TMOD1: variants seen among roughly 807,000 people sequenced by gnomAD.
The protein encoded by TMOD1 is tropomodulin-1.
A neutral mutation model predicts 40.6 loss-of-function variants in TMOD1; 17 were observed. That is an observed-to-expected ratio of 0.42 (90% CI 0.29 to 0.63). The LOEUF (loss-of-function observed/expected upper bound fraction) is 0.63, where lower values mean the gene tolerates loss of function less well. Among genes scored for constraint, TMOD1 ranks in the 20% least tolerant of loss-of-function variants. The pLI is 0.22. For synonymous variants in TMOD1, 181 were observed against 175.0 expected, an observed-to-expected ratio of 1.03 and a Z score of -0.27; for missense variants, 391 against 447.6, an observed-to-expected ratio of 0.87 and a Z score of 1.14.
chr9:97,590,437 G>C (rs1437215526), intron 8 of TMOD1, among the ~76,000 whole-genome samples: 1 of 151,784 alleles, frequency 6.6e-6, no homozygotes, highest in Non-Finnish European at 1.5e-5. Flanking sequence ...TGTTGCCCAG[G>C]GTGGTCTCGA....
intron 4 of TMOD1, among the ~76,000 whole-genome samples, chr9:97,559,794 A>AAAATAT (rs1390791825): frequency 0.012 from 264 of 22,940 alleles, 4 homozygotes; most frequent in Admixed American, 0.017. Context: ...AAAAAAAAAA[A>AAAATAT]ATATATATAT....
rs927314510 is a variant in TMOD1, at chr9:97,546,229, C to T, written c.165C>T (p.Thr55=). 2 of 1,613,850 alleles carry T rather than the reference C, an allele frequency of 1.2e-6. No individual in the cohort carries two copies. Among genetic ancestry groups the T allele is most frequent in the African/African-American group, 1.3e-5 (1 of 74,890 alleles). Residue 55 remains threonine (T), a synonymous_variant, in exon 3 of 10, where the codon ACC becomes ACT. Coordinates refer to ENST00000259365, the MANE Select transcript of TMOD1 (RefSeq NM_003275.4). ...PAGLRQKDQT[T]KAPTGPFKRE... The stretch of plus-strand genomic sequence containing the variant: ...GCCTGAGGCAGAAGGATCAGACCAC[C>T]AAGGCGCCCACGGGCCCCTTTAAAA...
At chr9:97,506,945 G>A (rs1222510512) in intron 1 of TMOD1, among the ~76,000 whole-genome samples, 2 of 152,174 alleles carry the variant, frequency 1.3e-5, no homozygotes, top group East Asian at 1.9e-4. Context: ...CTAATAAGTT[G>A]ATTAGAAAAT....
At chr9:97,584,508 C>T (rs1825825646) in intron 8 of TMOD1, among the ~76,000 whole-genome samples, 1 of 151,974 alleles carries the variant, frequency 6.6e-6, no homozygotes, top group Non-Finnish European at 1.5e-5. Context: ...CTGTAGATGT[C>T]TATTAGGTCC....
At chr9:97,526,487 A>G (rs994824360) in intron 2 of TMOD1, among the ~76,000 whole-genome samples, 2 of 152,218 alleles carry the variant, frequency 1.3e-5, no homozygotes, top group African/African-American at 4.8e-5. Flanking sequence ...AATAACCAGC[A>G]CAGAGAAGGT....
At chr9:97,510,299 C>T (rs946304512) in intron 1 of TMOD1, among the ~76,000 whole-genome samples, 4 of 151,914 alleles carry the variant, frequency 2.6e-5, no homozygotes, top group African/African-American at 9.7e-5. Flanking sequence ...GACACAGTCT[C>T]GGCTCACTGC....
rs142020691 is a variant in TMOD1, at chr9:97,594,877, C to T, written c.1015+3442C>T. ...GCATGGCACTTCAGGTCCTCTAAATCTGCCACTGCAGCTCTCTCCACTTAG... is the reference window on the plus strand; with the variant it reads ...GCATGGCACTTCAGGTCCTCTAAATTTGCCACTGCAGCTCTCTCCACTTAG... On this transcript the variant is annotated intron_variant, in intron 9 of 9. Transcript: ENST00000259365. 6.8e-4 allele frequency among the ~76,000 whole-genome samples: 104 copies of T among 152,232 alleles called. 2 individuals are homozygous for T. The highest frequency in any genetic ancestry group is 2.0e-3 in the Admixed American group (30 of 15,302).
chr9:97,532,614 T>G (rs1830120675), intron 2 of TMOD1, among the ~76,000 whole-genome samples: 1 of 151,918 alleles, frequency 6.6e-6, no homozygotes, highest in Non-Finnish European at 1.5e-5. Flanking sequence ...GTTCTGATCA[T>G]TCTTAAAAAA....
chr9:97,563,900 T>C, intron 5 of TMOD1, 138 bp from the exon 6 acceptor site: 2 of 553,320 alleles, frequency 3.6e-6, no homozygotes. Context: ...TGGTGCCCCC[T>C]ACCCCCACCC....
chr9:97,594,908 T>C (rs1826075222), intron 9 of TMOD1, among the ~76,000 whole-genome samples: 1 of 152,096 alleles, frequency 6.6e-6, no homozygotes, highest in African/African-American at 2.4e-5. Flanking sequence ...CTTAGCAAAA[T>C]CTGAATTGCA....
intron 2 of TMOD1, among the ~76,000 whole-genome samples, chr9:97,541,167 T>C (rs1563984892): frequency 1.3e-5 from 2 of 152,206 alleles, no homozygotes; most frequent in African/African-American, 2.4e-5. Flanking sequence ...TCCAGATCAC[T>C]TGCCCATTTT....
chr9:97,565,894 A>C lies in TMOD1; in HGVS notation c.665A>C (p.Glu222Ala). The C allele has an allele frequency of 6.2e-7, 1 of 1,614,200 alleles. No individual in the cohort carries two copies. The highest frequency in any genetic ancestry group is 8.5e-7 in the Non-Finnish European group (1 of 1,180,032). The change falls in exon 7 of 10, where the codon GAA becomes GCA. Residue 222 changes from glutamate (E) to alanine (A), a missense_variant. Coordinates refer to ENST00000259365, the MANE Select transcript of TMOD1 (RefSeq NM_003275.4). ...TLKAYAEALK[E>A]NSYVKKFSIV... Reference sequence around the variant, plus strand: ...AAGGCATATGCAGAAGCCCTGAAAGAAAACTCATATGTGAAGAAGTTCAGC... The same window carrying C: ...AAGGCATATGCAGAAGCCCTGAAAGCAAACTCATATGTGAAGAAGTTCAGC...
chr9:97,564,100 G>C lies in TMOD1; in HGVS notation c.550G>C (p.Glu184Gln), dbSNP rs752482797. 3 of 1,614,180 alleles carry C rather than the reference G, an allele frequency of 1.9e-6. No homozygotes were observed. Among genetic ancestry groups the C allele is most frequent in the Non-Finnish European group, 2.5e-6 (3 of 1,180,022 alleles). The part of the protein sequence containing the change: ...PDEEPNSTDV[E>Q]ETLERIKNND... ...CGAAGAACCAAATTCAACAGACGTA[G>C]AGGAAACGCTGGAACGGATAAAGAA... Residue 184 changes from glutamate to glutamine, a missense_variant, in exon 6 of 10, where the codon GAG becomes CAG. By Grantham distance (29) the Glu-to-Gln change is conservative. Coordinates refer to ENST00000259365, the MANE Select transcript of TMOD1 (RefSeq NM_003275.4).
intron 1 of TMOD1, among the ~76,000 whole-genome samples, chr9:97,521,455 C>T (rs1829914175): frequency 1.3e-5 from 2 of 152,168 alleles, no homozygotes; most frequent in Admixed American, 1.3e-4. Context: ...AGACTCCAAG[C>T]CCTTCACTGG....
At chr9:97,594,188 G>A (rs1826057760) in intron 9 of TMOD1, among the ~76,000 whole-genome samples, 1 of 152,186 alleles carries the variant, frequency 6.6e-6, no homozygotes, top group Admixed American at 6.5e-5. Context: ...CTCCCTTGGG[G>A]TTTCCTACAG....
In TMOD1 at chr9:97,524,261, G is replaced by A. The variant is rs1041510644; in HGVS notation, c.73G>A (p.Glu25Lys). The change falls in exon 2 of 10, where the codon GAA becomes AAA. Residue 25 changes from glutamate to lysine, a missense_variant. Physicochemically the swap from Glu to Lys is moderately conservative, Grantham distance 56. Coordinates refer to ENST00000259365, the MANE Select transcript of TMOD1 (RefSeq NM_003275.4). The stretch of plus-strand genomic sequence containing the variant: ...TGAAATCCTTGGAGCCCTAACAGAG[G>A]AAGAGCTGAGGACCCTGGAAAATGA... Reference protein sequence around the residue: ...EDEILGALTEEELRTLENELD... With the variant: ...EDEILGALTEKELRTLENELD... 6.2e-7 allele frequency: 1 copy of A among 1,614,208 alleles called. No homozygotes were observed. Among genetic ancestry groups the A allele is most frequent in the East Asian group, 2.2e-5 (1 of 44,884 alleles).
intron 8 of TMOD1, among the ~76,000 whole-genome samples, chr9:97,572,962 A>G (rs1053468979): frequency 3.9e-5 from 6 of 152,234 alleles, no homozygotes; most frequent in Admixed American, 1.3e-4. Context: ...CCAGAGCCAG[A>G]AGGCACTGAG....
intron 3 of TMOD1, among the ~76,000 whole-genome samples, chr9:97,548,291 G>A (rs1830395828): frequency 6.6e-6 from 1 of 152,164 alleles, no homozygotes; most frequent in African/African-American, 2.4e-5. Context: ...TACGCACATG[G>A]GGGTAGACAT....
At chr9:97,523,928 A>T (rs1829956096) in intron 1 of TMOD1, among the ~76,000 whole-genome samples, 1 of 152,214 alleles carries the variant, frequency 6.6e-6, no homozygotes, top group Non-Finnish European at 1.5e-5. Context: ...ATTCTAACCA[A>T]TTACAATTCA....
Sources: gnomAD v4.1 joint callset for allele counts (sites outside exome capture counted in the v4.1 genomes callset) on GRCh38, gnomAD v4.1.1 for gene constraint, MANE v1.5 for transcripts, NCBI Gene and HGNC (gene_info 2026-07-23, HGNC 2026-07-21) for gene names.